Variants in DCTN5 observed in about 807,000 individuals in gnomAD.
DCTN5 encodes dynactin subunit 5, also known as dynactin 4.
Under a neutral mutation model 23.5 loss-of-function variants are expected in DCTN5, and 14 were observed. That is an observed-to-expected ratio of 0.60 (90% confidence interval 0.39 to 0.93). The LOEUF is 0.93. DCTN5 is among the 40% of genes least tolerant of loss of function. The pLI is 0.00. For synonymous variants in DCTN5, 67 were observed against 79.6 expected, an observed-to-expected ratio of 0.84 and a Z score of 0.84; for missense variants, 156 against 225.9, an observed-to-expected ratio of 0.69 and a Z score of 1.98.
rs1378132195 is a variant in DCTN5 at position 23,657,131 on chromosome 16, G to A, written c.118-1376G>A. ...GCTTCCAGAGTAGTAGTAATAATAC[G>A]GAAATTTATGTATGTTAATCCTTTG... On this transcript the variant is annotated intron_variant, in intron 2 of 5. Transcript: ENST00000300087. 3.9e-5 allele frequency among the ~76,000 whole-genome samples: 6 copies of A among 152,154 alleles called. 1 individual carries two copies. The highest frequency in any genetic ancestry group is 3.4e-3 in the Middle Eastern group (1 of 294).
intron 2 of DCTN5, among the ~76,000 whole-genome samples, chr16:23,657,008 A>G (rs1967717106): frequency 6.6e-6 from 1 of 151,908 alleles, no homozygotes; most frequent in Non-Finnish European, 1.5e-5. Flanking sequence ...AAAAAAATAA[A>G]GACTCATTAT....
rs998024355 is a variant in DCTN5 at position 23,661,099 on chromosome 16, T to C, written c.237-71T>C. The C allele has an allele frequency of 4.0e-6, 4 of 1,002,000 alleles. No individual in the cohort carries two copies. The African/African-American group carries it at 6.4e-5, about 16-fold the overall frequency. The allele number at this position is 1,002,000 out of a possible 1,614,324, so 62.1% of individuals were successfully genotyped here. On this transcript the variant is annotated intron_variant, in intron 3 of 5. Coordinates refer to ENST00000300087, the MANE Select transcript of DCTN5 (RefSeq NM_032486.4). Reference sequence around the variant, plus strand: ...ATGATAAAGTTCAAATTATGATCTGTAGTTCTATAAACCTTGACCCAAAGT... The same window carrying C: ...ATGATAAAGTTCAAATTATGATCTGCAGTTCTATAAACCTTGACCCAAAGT...
At chr16:23,663,562 A>G (rs560471413) in intron 4 of DCTN5, among the ~76,000 whole-genome samples, 1 of 152,202 alleles carries the variant, frequency 6.6e-6, no homozygotes, top group Admixed American at 6.5e-5. Context: ...AAAAATACAA[A>G]AAAATTAACT....
At chr16:23,665,544 G>C in intron 4 of DCTN5, 82 bp from the exon 5 acceptor site, 1 of 1,308,264 alleles carries the variant, frequency 7.6e-7, no homozygotes, top group African/African-American at 1.5e-5. Flanking sequence ...GCTATTACAT[G>C]GTATCATGAA....
intron 2 of DCTN5, among the ~76,000 whole-genome samples, chr16:23,645,112 TATATATATA>T (rs1967412282): frequency 2.5e-5 from 1 of 39,834 alleles, no homozygotes; most frequent in African/African-American, 1.0e-4. Context: ...TATATATATA[TATATATATA>T]TATATATATA....
intron 2 of DCTN5, among the ~76,000 whole-genome samples, chr16:23,647,135 GT>G (rs34433726): frequency 0.74 from 94,689 of 128,634 alleles, 31,413 homozygotes; most frequent in Non-Finnish European, 0.77. Context: ...AAGTTTTCTG[GT>G]TTTTTTTTTT....
chr16:23,667,176 G>A lies in DCTN5; in HGVS notation c.*32G>A, dbSNP rs200437558. ...TGCCTCATGTCTTGAATCTGCTTGA[G>A]CTCTAAGATGAACCTGGGGACAAAG... On this transcript the variant is annotated 3_prime_UTR_variant, in exon 6 of 6. Transcript: ENST00000300087. 29 of 1,609,998 alleles carry A rather than the reference G, an allele frequency of 1.8e-5. No homozygotes were observed. The Admixed American group carries it at 3.2e-4, about 18-fold the overall frequency.
At position 23,672,439 on chromosome 16, in the gene DCTN5, A is replaced by C. The variant is rs1285831686; in HGVS notation, c.*5295A>C. 2 of 152,232 alleles carry C rather than the reference A, an allele frequency of 1.3e-5. No individual in the cohort carries two copies. Among genetic ancestry groups the C allele is most frequent in the Non-Finnish European group, 2.9e-5 (2 of 68,050 alleles). 9.4% of individuals were successfully genotyped at this position (152,232 alleles called of 1,614,324 possible). Reference sequence around the variant, plus strand: ...CCCAAGGTCATACAGCTAGTGATGGAGGAGCTAGCATTTGAACCCGGAGTT... The same window carrying C: ...CCCAAGGTCATACAGCTAGTGATGGCGGAGCTAGCATTTGAACCCGGAGTT... On this transcript the variant is annotated 3_prime_UTR_variant, in exon 6 of 6. Coordinates refer to ENST00000300087, the MANE Select transcript of DCTN5 (RefSeq NM_032486.4).
At chr16:23,653,606 A>G (rs1274946051) in intron 2 of DCTN5, among the ~76,000 whole-genome samples, 1 of 152,240 alleles carries the variant, frequency 6.6e-6, no homozygotes, top group Non-Finnish European at 1.5e-5. Context: ...ATCCTGGAAG[A>G]CAACCTAACC....
At chr16:23,644,294 A>ATTTTTTTTTTTTTTTTTT (rs534821955) in intron 2 of DCTN5, among the ~76,000 whole-genome samples, 1 of 97,352 alleles carries the variant, frequency 1.0e-5, no homozygotes, top group Non-Finnish European at 2.0e-5. Context: ...TGCCCACCTA[A>ATTTTTTTTTTTTTTTTTT]TTTTTTTTTT....
intron 2 of DCTN5, among the ~76,000 whole-genome samples, chr16:23,645,165 G>A (rs1181024012): frequency 1.1e-5 from 1 of 91,106 alleles, no homozygotes; most frequent in Non-Finnish European, 2.1e-5. Flanking sequence ...ACGCAGTTTT[G>A]CTCTTGTTGC....
In DCTN5 at chr16:23,676,584, AGGAAGCCACCTGGCTTCCT is replaced by A. The variant is rs1567237568; in HGVS notation, c.*9441_*9459del. 1 of 152,208 alleles carries A rather than the reference AGGAAGCCACCTGGCTTCCT, an allele frequency of 6.6e-6. No individual in the cohort carries two copies. The highest frequency in any genetic ancestry group is 2.4e-5 in the African/African-American group (1 of 41,424). The allele number at this position is 152,208 out of a possible 1,614,324, so 9.4% of individuals were successfully genotyped here. A position where few individuals can be genotyped will look rare whatever the true frequency, so the allele number is the denominator to read the frequency against. On this transcript the variant is annotated 3_prime_UTR_variant, in exon 6 of 6. Transcript: ENST00000300087. The stretch of plus-strand genomic sequence containing the variant: ...CAACAACAACAAAAAGGAATTAAGG[AGGAAGCCACCTGGCTTCCT>A]AAGATAGACTTTATGGTTAATGGGA...
At position 23,672,183 on chromosome 16, in the gene DCTN5, G is replaced by C. The variant is rs1218871370; in HGVS notation, c.*5039G>C. On this transcript the variant is annotated 3_prime_UTR_variant, in exon 6 of 6. Transcript: ENST00000300087. ...TGAAAAGGCCTGTGAGAGACTCTGA[G>C]CTTCCTGGGAACAGGTATAGGTTCT... is the stretch of plus-strand genomic sequence containing the variant. 1 of 152,190 alleles carries C rather than the reference G, an allele frequency of 6.6e-6. No individual in the cohort carries two copies. The highest frequency in any genetic ancestry group is 1.9e-4 in the East Asian group (1 of 5,190). The allele number at this position is 152,190 out of a possible 1,614,324, so 9.4% of individuals were successfully genotyped here.
In DCTN5 at chr16:23,653,989, G is replaced by A. The variant is rs543951796; in HGVS notation, c.118-4518G>A. On this transcript the variant is annotated intron_variant, in intron 2 of 5. Coordinates refer to ENST00000300087, the MANE Select transcript of DCTN5 (RefSeq NM_032486.4). ...GTGCAAATCAAAACCACGAGATACCGTCTCACACCAGTCAGAATAGCTGTT... is the reference window on the plus strand; with the variant it reads ...GTGCAAATCAAAACCACGAGATACCATCTCACACCAGTCAGAATAGCTGTT... 3.9e-5 allele frequency among the ~76,000 whole-genome samples: 6 copies of A among 152,256 alleles called. 1 individual carries two copies. The highest frequency in any genetic ancestry group is 4.1e-4 in the South Asian group (2 of 4,826).
chr16:23,663,631 G>A (rs761330180), intron 4 of DCTN5, among the ~76,000 whole-genome samples: 9 of 151,926 alleles, frequency 5.9e-5, no homozygotes, highest in Non-Finnish European at 1.0e-4. Flanking sequence ...CAGGAGAATC[G>A]CTTGAACCCA....
Position 23,671,273 on chromosome 16 carries a change from CT to C in DCTN5, c.*4130del, listed in dbSNP as rs1244621193. On this transcript the variant is annotated 3_prime_UTR_variant, in exon 6 of 6. Coordinates refer to ENST00000300087, the MANE Select transcript of DCTN5 (RefSeq NM_032486.4). Reference sequence around the variant, plus strand: ...TATACATGTAAAGCATAAGTACTGGCTCAGGGTGAGCACTCAATAAACGGCA... The same window carrying C: ...TATACATGTAAAGCATAAGTACTGGCCAGGGTGAGCACTCAATAAACGGCA... 2.0e-5 allele frequency: 3 copies of C among 150,640 alleles called. No homozygotes were observed. The highest frequency in any genetic ancestry group is 7.4e-5 in the African/African-American group (3 of 40,784). 9.3% of individuals were successfully genotyped at this position (150,640 alleles called of 1,614,324 possible).
rs187643830 is a variant in DCTN5 at position 23,674,791 on chromosome 16, C to T, written c.*7647C>T. The T allele has an allele frequency of 6.6e-6, 1 of 152,298 alleles. No individual in the cohort carries two copies. Among genetic ancestry groups the T allele is most frequent in the East Asian group, 1.9e-4 (1 of 5,182 alleles). 9.4% of individuals were successfully genotyped at this position (152,298 alleles called of 1,614,324 possible). A position where few individuals can be genotyped will look rare whatever the true frequency, so the allele number is the denominator to read the frequency against. On this transcript the variant is annotated 3_prime_UTR_variant, in exon 6 of 6. Transcript: ENST00000300087. ...AGTACCACAAACTGAGTGACTTACA[C>T]AATAGAAACTTATTTTCCTGCAGTT... is the stretch of plus-strand genomic sequence containing the variant.
intron 4 of DCTN5, among the ~76,000 whole-genome samples, chr16:23,664,859 C>T (rs1967876780): frequency 6.6e-6 from 1 of 152,168 alleles, no homozygotes; most frequent in South Asian, 2.1e-4. Context: ...AGCAAACCAA[C>T]CAACCAACCT....
chr16:23,665,827 T>A (rs763229146), intron 5 of DCTN5, 99 bp downstream of exon 5: 1 of 974,018 alleles, frequency 1.0e-6, no homozygotes, highest in African/African-American at 1.6e-5. Flanking sequence ...TCTGGCAATA[T>A]GTTGATAGAG....
Sources: gnomAD v4.1 joint callset for allele counts (sites outside exome capture counted in the v4.1 genomes callset) on GRCh38, gnomAD v4.1.1 for gene constraint, MANE v1.5 for transcripts, NCBI Gene and HGNC (gene_info 2026-07-23, HGNC 2026-07-21) for gene names.